Variants in ULK4 observed in about 807,000 individuals in gnomAD.
ULK4 encodes inactive serine/threonine-protein kinase ULK4.
In ULK4, 133 loss-of-function variants were observed where a neutral mutation model predicts 160.6. The ratio of observed to expected loss-of-function variants is 0.83; its 90% confidence interval spans 0.72 to 0.96. ULK4 has a LOEUF of 0.96. ULK4 is among the 40% of genes least tolerant of loss of function. The probability of loss-of-function intolerance (pLI) is 0.00; values close to 1 mark genes in which losing one functional copy is unlikely to be tolerated. For synonymous variants in ULK4, 534 were observed against 539.8 expected (o/e 0.99, Z 0.15); for missense variants, 1,580 against 1,499.5 (o/e 1.05, Z -0.89).
At chr3:41,323,014 C>T (rs975219251) in intron 35 of ULK4, among the ~76,000 whole-genome samples, 3 of 151,810 alleles carry the variant, frequency 2.0e-5, no homozygotes, top group East Asian at 3.9e-4. Flanking sequence ...CTCGGCTCAC[C>T]GCAACTTCTG....
Position 41,515,366 on chromosome 3 carries a change from C to G in ULK4, c.3226+50659G>C, listed in dbSNP as rs79785100. On this transcript the variant is annotated intron_variant, in intron 32 of 36. Transcript: ENST00000301831. ...TGTCATATATTCATATAATAGAATA[C>G]TATATAGTAATTAAAAAAAAACACT... Among the ~76,000 whole-genome samples the G allele has an allele frequency of 2.4e-3, 368 of 151,750 alleles. 1 individual carries two copies. Among genetic ancestry groups the G allele is most frequent in the African/African-American group, 8.5e-3 (352 of 41,362 alleles).
chr3:41,911,493 T>C (rs755378822), intron 10 of ULK4, 48 bp downstream of exon 10: 2 of 1,591,982 alleles, frequency 1.3e-6, no homozygotes, highest in Admixed American at 3.3e-5. Context: ...TTAGGAACTC[T>C]CTCAAACAAC....
intron 31 of ULK4, among the ~76,000 whole-genome samples, chr3:41,578,775 G>A (rs976686599): frequency 2.6e-5 from 4 of 152,178 alleles, no homozygotes; most frequent in African/African-American, 9.7e-5. Context: ...GGTATGTGCT[G>A]GACAAGTGGG....
At chr3:41,289,018 G>GCT (rs2125700950) in intron 35 of ULK4, among the ~76,000 whole-genome samples, 1 of 152,334 alleles carries the variant, frequency 6.6e-6, no homozygotes, top group South Asian at 2.1e-4. Flanking sequence ...GTGTGGAAGA[G>GCT]CTCTCTGTCA....
chr3:41,532,480 T>G (rs1565963), intron 32 of ULK4, among the ~76,000 whole-genome samples: 120,243 of 152,048 alleles, frequency 0.79, 48,041 homozygotes, highest in African/African-American at 0.89. Context: ...TTTGTTTGTT[T>G]TTTATTTTTT....
chr3:41,338,926 T>G (rs1385326171), intron 35 of ULK4, among the ~76,000 whole-genome samples: 1 of 151,918 alleles, frequency 6.6e-6, no homozygotes, highest in Non-Finnish European at 1.5e-5. Flanking sequence ...TTCTCCCACC[T>G]TTTTGTTCTA....
At chr3:41,721,828 G>A (rs1183620094) in intron 22 of ULK4, among the ~76,000 whole-genome samples, 1 of 152,196 alleles carries the variant, frequency 6.6e-6, no homozygotes, top group Non-Finnish European at 1.5e-5. Context: ...CTTTCCCACA[G>A]TGTCAAGTGT....
At position 41,463,204 on chromosome 3, in the gene ULK4, GCA is replaced by G; in HGVS notation, c.3274_3275del (p.Cys1092LeufsTer6). ...TGTTGTTTTTATTGTCCACATCCAAGCACAGTGTGGCAGTTTCAGTGAGCAGG... is the reference window on the plus strand; with the variant it reads ...TGTTGTTTTTATTGTCCACATCCAAGCAGTGTGGCAGTTTCAGTGAGCAGG... ...CNLLTETATL[C>X]LDVDNKNNNE... On this transcript the variant is annotated frameshift_variant, in exon 33 of 37. Coordinates refer to ENST00000301831, the MANE Select transcript of ULK4 (RefSeq NM_017886.4). LOFTEE classifies it high-confidence loss of function. 6.2e-7 allele frequency: 1 copy of G among 1,613,552 alleles called. No homozygotes were observed. The highest frequency in any genetic ancestry group is 1.7e-4 in the Middle Eastern group (1 of 6,054).
chr3:41,401,232 C>T (rs1359557131), intron 34 of ULK4, among the ~76,000 whole-genome samples: 1 of 152,098 alleles, frequency 6.6e-6, no homozygotes, highest in African/African-American at 2.4e-5. Context: ...TGAAGACTTT[C>T]TCCTATATTT....
intron 8 of ULK4, among the ~76,000 whole-genome samples, chr3:41,913,754 T>C (rs896042089): frequency 6.6e-6 from 1 of 152,014 alleles, no homozygotes; most frequent in Non-Finnish European, 1.5e-5. Context: ...CTTGAGTCCA[T>C]GATTTTGAGG....
Position 41,800,599 on chromosome 3 carries a change from C to A in ULK4, c.1849-306G>T, listed in dbSNP as rs181534621. 4.3e-3 allele frequency among the ~76,000 whole-genome samples: 647 copies of A among 152,218 alleles called. 2 individuals are homozygous for A. The highest frequency in any genetic ancestry group is 5.9e-3 in the Non-Finnish European group (399 of 68,022). ...ACACCACTACACACTACTGCTGAAA[C>A]AATCTGGAAAATAAACAAAATAACT... On this transcript the variant is annotated intron_variant, in intron 19 of 36. Coordinates refer to ENST00000301831, the MANE Select transcript of ULK4 (RefSeq NM_017886.4).
intron 25 of ULK4, among the ~76,000 whole-genome samples, chr3:41,706,896 T>TAGAGAGAG (rs1284903397): frequency 4.6e-5 from 6 of 130,032 alleles, no homozygotes; most frequent in African/African-American, 2.5e-4. Flanking sequence ...TGTGTATATA[T>TAGAGAGAG]ATATAGAGAG....
intron 16 of ULK4, among the ~76,000 whole-genome samples, chr3:41,892,295 A>AT (rs1317406763): frequency 6.6e-6 from 1 of 152,252 alleles, no homozygotes; most frequent in Non-Finnish European, 1.5e-5. Flanking sequence ...ACACGAAAAG[A>AT]TGTTCAACAT....
At chr3:41,596,113 A>G (rs1408082396) in intron 31 of ULK4, among the ~76,000 whole-genome samples, 1 of 152,230 alleles carries the variant, frequency 6.6e-6, no homozygotes, top group East Asian at 1.9e-4. Flanking sequence ...GGATGACAAG[A>G]AAGAAAGACG....
chr3:41,912,320 C>T (rs528341064), intron 9 of ULK4, among the ~76,000 whole-genome samples: 3 of 126,214 alleles, frequency 2.4e-5, no homozygotes, highest in African/African-American at 3.3e-5. Flanking sequence ...CAGAGTGAGA[C>T]GTTGTCTCAA....
At chr3:41,490,517 A>G (rs974146487) in intron 32 of ULK4, among the ~76,000 whole-genome samples, 2 of 151,984 alleles carry the variant, frequency 1.3e-5, no homozygotes, top group African/African-American at 4.8e-5. Context: ...TCCACTCACT[A>G]CTTTCTTCTT....
chr3:41,495,067 T>C (rs2084936300), intron 32 of ULK4, among the ~76,000 whole-genome samples: 2 of 152,156 alleles, frequency 1.3e-5, no homozygotes, highest in East Asian at 1.9e-4. Flanking sequence ...CTTCACAGAA[T>C]TGGAAAAAAC....
rs546391155 is a variant in ULK4 at position 41,763,533 on chromosome 3, T to C, written c.2194-9045A>G. 4.0e-4 allele frequency among the ~76,000 whole-genome samples: 61 copies of C among 152,354 alleles called. No homozygotes were observed. The Middle Eastern group carries it at 0.01, about 25-fold the overall frequency. ...TGAACGCTGTGTATGTTAGCTATAG[T>C]AGTAGTTGGCATTTTATTGTCATAT... is the stretch of plus-strand genomic sequence containing the variant. On this transcript the variant is annotated intron_variant, in intron 21 of 36. Transcript: ENST00000301831.
chr3:41,513,444 T>C (rs2085653436), intron 32 of ULK4, among the ~76,000 whole-genome samples: 1 of 152,186 alleles, frequency 6.6e-6, no homozygotes, highest in Non-Finnish European at 1.5e-5. Context: ...AAGACCATCC[T>C]GGCAACAATG....
Sources: gnomAD v4.1 joint callset for allele counts (sites outside exome capture counted in the v4.1 genomes callset) on GRCh38, gnomAD v4.1.1 for gene constraint, MANE v1.5 for transcripts, NCBI Gene and HGNC (gene_info 2026-07-23, HGNC 2026-07-21) for gene names.